Variants in MYRIP observed in about 807,000 individuals in gnomAD.
The protein encoded by MYRIP is rab effector MyRIP.
MYRIP carries 49 observed loss-of-function variants against 98.0 expected under a neutral mutation model. The observed-to-expected ratio is 0.50, with a 90% CI of 0.40 to 0.63. The LOEUF (loss-of-function observed/expected upper bound fraction) is 0.63. Among genes scored for constraint, MYRIP ranks in the 30% least tolerant of loss-of-function variants. MYRIP has a pLI of 0.00. For synonymous variants in MYRIP, 404 were observed against 409.5 expected (o/e 0.99, Z 0.16); for missense variants, 1,004 against 1,058.2 (o/e 0.95, Z 0.71).
intron 3 of MYRIP, among the ~76,000 whole-genome samples, chr3:40,079,232 A>G (rs1948422395): frequency 6.6e-6 from 1 of 152,232 alleles, no homozygotes; most frequent in African/African-American, 2.4e-5. Context: ...AAAAGGGAGC[A>G]CCCTTCATTA....
chr3:40,205,314 A>G (rs1325821216), intron 10 of MYRIP, among the ~76,000 whole-genome samples: 2 of 152,162 alleles, frequency 1.3e-5, no homozygotes, highest in Admixed American at 1.3e-4. Flanking sequence ...TTGTTACCCT[A>G]AAGAGCTAAT....
chr3:39,947,627 G>T (rs746042046), intron 2 of MYRIP, among the ~76,000 whole-genome samples: 3 of 152,076 alleles, frequency 2.0e-5, no homozygotes, highest in Non-Finnish European at 4.4e-5. Context: ...GACTCACTGG[G>T]TGTGGTGGTG....
intron 1 of MYRIP, among the ~76,000 whole-genome samples, chr3:39,852,973 G>A (rs1942178263): frequency 6.6e-6 from 1 of 152,122 alleles, no homozygotes; most frequent in Non-Finnish European, 1.5e-5. Flanking sequence ...ATAGAGACGG[G>A]GTTTCATCAT....
chr3:40,162,437 C>T lies in MYRIP; in HGVS notation c.470-293C>T, dbSNP rs548677180. Among the ~76,000 whole-genome samples the T allele has an allele frequency of 3.9e-5, 6 of 152,314 alleles. No homozygotes were observed. The South Asian group carries it at 8.3e-4, about 21-fold the overall frequency. On this transcript the variant is annotated intron_variant, in intron 4 of 16. Transcript: ENST00000302541. ...GTCCAGGAATTGACCTTACATCTCT[C>T]AGACTTTAGTCTTTTGTTCTGTCTT...
chr3:39,962,499 G>A (rs185009152), intron 2 of MYRIP, among the ~76,000 whole-genome samples: 3 of 151,802 alleles, frequency 2.0e-5, no homozygotes, highest in Admixed American at 1.3e-4. Context: ...GGGAATTGAG[G>A]ACCTATAAAG....
intron 13 of MYRIP, among the ~76,000 whole-genome samples, chr3:40,247,820 C>G (rs969679582): frequency 1.3e-5 from 2 of 152,258 alleles, no homozygotes; most frequent in South Asian, 2.1e-4. Context: ...CAGCGCCAAA[C>G]AGCTCACATT....
chr3:40,111,725 T>C (rs1484388650), intron 3 of MYRIP, among the ~76,000 whole-genome samples: 3 of 151,766 alleles, frequency 2.0e-5, no homozygotes, highest in African/African-American at 7.3e-5. Flanking sequence ...ATATTGGAGA[T>C]CCCTGTAGAT....
At chr3:39,973,532 C>G (rs959422640) in intron 2 of MYRIP, among the ~76,000 whole-genome samples, 1 of 152,156 alleles carries the variant, frequency 6.6e-6, no homozygotes. Flanking sequence ...GAACTGAACT[C>G]AGCTCTGCAC....
At chr3:40,192,353 T>TG (rs1491229160) in intron 10 of MYRIP, among the ~76,000 whole-genome samples, 42 of 138,250 alleles carry the variant, frequency 3.0e-4, no homozygotes, top group African/African-American at 9.2e-4. Context: ...CATATATATA[T>TG]TTATATTTAT....
At position 40,044,194 on chromosome 3, in the gene MYRIP, A is replaced by G. The variant is rs777934434; in HGVS notation, c.255A>G (p.Lys85=). The G allele has an allele frequency of 6.2e-7, 1 of 1,614,128 alleles. No individual in the cohort carries two copies. The change falls in exon 3 of 17, where the codon AAA becomes AAG. Residue 85 remains lysine, a synonymous_variant. Coordinates refer to ENST00000302541, the MANE Select transcript of MYRIP (RefSeq NM_015460.4). Reference sequence around the variant, plus strand: ...CCAAGCGCCAGTGTGGAGATTGCAAATTCAATGTCTGCAAGAGCTGCTGCT... The same window carrying G: ...CCAAGCGCCAGTGTGGAGATTGCAAGTTCAATGTCTGCAAGAGCTGCTGCT... The part of the protein sequence containing the change: ...VNTKRQCGDC[K]FNVCKSCCSY...
At chr3:40,159,819 T>G (rs975430718) in intron 4 of MYRIP, among the ~76,000 whole-genome samples, 2 of 152,232 alleles carry the variant, frequency 1.3e-5, no homozygotes, top group Non-Finnish European at 2.9e-5. Flanking sequence ...CTTCACGTAG[T>G]TCTCGAGCCT....
chr3:39,834,853 T>C (rs1941573316), intron 1 of MYRIP, among the ~76,000 whole-genome samples: 1 of 151,956 alleles, frequency 6.6e-6, no homozygotes, highest in Non-Finnish European at 1.5e-5. Flanking sequence ...ATTTGAAAGA[T>C]AAGGAAACAA....
At chr3:40,167,453 A>C (rs938041649) in intron 7 of MYRIP, among the ~76,000 whole-genome samples, 23 of 152,172 alleles carry the variant, frequency 1.5e-4, no homozygotes, top group African/African-American at 5.6e-4. Context: ...TCCATGCCCT[A>C]CGCTGTCCCT....
intron 11 of MYRIP, among the ~76,000 whole-genome samples, chr3:40,229,797 C>A (rs1485750919): frequency 6.6e-6 from 1 of 152,112 alleles, no homozygotes; most frequent in Non-Finnish European, 1.5e-5. Context: ...AAGTGGACAC[C>A]TGGGCTCTCA....
intron 2 of MYRIP, among the ~76,000 whole-genome samples, chr3:39,911,437 T>A (rs1269499001): frequency 1.3e-5 from 2 of 152,202 alleles, no homozygotes; most frequent in African/African-American, 4.8e-5. Context: ...CTTTTATGGC[T>A]CCAAGTTCCT....
At chr3:39,993,134 G>T (rs1454931925) in intron 2 of MYRIP, among the ~76,000 whole-genome samples, 1 of 152,134 alleles carries the variant, frequency 6.6e-6, no homozygotes, top group Non-Finnish European at 1.5e-5. Flanking sequence ...CATTCTTGCT[G>T]TGTCATCCCA....
At chr3:39,980,958 T>G (rs1945879302) in intron 2 of MYRIP, among the ~76,000 whole-genome samples, 1 of 152,086 alleles carries the variant, frequency 6.6e-6, no homozygotes. Flanking sequence ...ATTATGGAGA[T>G]GGAGATGGTG....
chr3:39,917,000 A>G (rs1378389786), intron 2 of MYRIP, among the ~76,000 whole-genome samples: 1 of 146,010 alleles, frequency 6.8e-6, no homozygotes, highest in Admixed American at 6.6e-5. Flanking sequence ...AACCCAAATA[A>G]CTAACCATTT....
intron 2 of MYRIP, among the ~76,000 whole-genome samples, chr3:40,014,629 C>A (rs1251164017): frequency 6.6e-6 from 1 of 152,150 alleles, no homozygotes; most frequent in Admixed American, 6.5e-5. Context: ...TTACACTCTT[C>A]CTGTACTTCC....
Sources: gnomAD v4.1 joint callset for allele counts (sites outside exome capture counted in the v4.1 genomes callset) on GRCh38, gnomAD v4.1.1 for gene constraint, MANE v1.5 for transcripts, NCBI Gene and HGNC (gene_info 2026-07-23, HGNC 2026-07-21) for gene names.